SUCO: variants seen among roughly 807,000 people sequenced by gnomAD.
SUCO encodes SUN domain-containing ossification factor.
SUCO carries 57 observed loss-of-function variants against 148.1 expected under a neutral mutation model. The observed-to-expected ratio is 0.38, with a 90% CI of 0.31 to 0.48. SUCO has a LOEUF of 0.48. Ranked by LOEUF, SUCO falls within the 20% of genes least tolerant of loss-of-function variation. The probability of loss-of-function intolerance (pLI) is 0.96; values close to 1 mark genes in which losing one functional copy is unlikely to be tolerated. For synonymous variants in SUCO, 470 were observed against 502.7 expected (o/e 0.93, Z 0.87); for missense variants, 1,331 against 1,468.2 (o/e 0.91, Z 1.53).
intron 1 of SUCO, among the ~76,000 whole-genome samples, chr1:172,547,529 C>A (rs1558173456): frequency 6.6e-6 from 1 of 152,086 alleles, no homozygotes; most frequent in Non-Finnish European, 1.5e-5. Flanking sequence ...CTGAGAATAC[C>A]TAATCTGAAT....
At chr1:172,588,673 T>C in intron 17 of SUCO, 87 bp from the exon 18 acceptor site, 1 of 1,281,472 alleles carries the variant, frequency 7.8e-7, no homozygotes, top group South Asian at 3.2e-5. Context: ...TTTTATCTTC[T>C]GTATGGATAC....
chr1:172,605,470 G>A (rs553857267), intron 22 of SUCO, among the ~76,000 whole-genome samples: 201 of 151,820 alleles, frequency 1.3e-3, no homozygotes, highest in Middle Eastern at 6.8e-3. Context: ...AGTTGACCAC[G>A]TACATGAGGG....
At chr1:172,542,517 G>A (rs1652551646) in intron 1 of SUCO, among the ~76,000 whole-genome samples, 1 of 152,186 alleles carries the variant, frequency 6.6e-6, no homozygotes, top group South Asian at 2.1e-4. Context: ...GCAGGTGAGT[G>A]AGCATTACTG....
intron 2 of SUCO, chr1:172,552,646 T>C (rs1346692718): frequency 5.1e-6 from 5 of 980,386 alleles, no homozygotes; most frequent in Non-Finnish European, 6.1e-6. Context: ...ACTTGCCGCA[T>C]ATCTCAAAAA....
chr1:172,561,819 G>T (rs1197346101), intron 6 of SUCO, among the ~76,000 whole-genome samples: 2 of 152,160 alleles, frequency 1.3e-5, no homozygotes, highest in African/African-American at 4.8e-5. Context: ...TGGACCTGGG[G>T]CAGGCAGCAT....
chr1:172,594,810 G>C (rs368789316), intron 19 of SUCO, among the ~76,000 whole-genome samples: 22 of 152,206 alleles, frequency 1.4e-4, no homozygotes, highest in Non-Finnish European at 2.8e-4. Context: ...GTGCAGAGCT[G>C]AGTTCAAGTC....
intron 6 of SUCO, among the ~76,000 whole-genome samples, chr1:172,559,113 T>A (rs1653953714): frequency 6.6e-6 from 1 of 152,196 alleles, no homozygotes; most frequent in Non-Finnish European, 1.5e-5. Context: ...AGAATTTGCT[T>A]TCTGATGCCT....
At chr1:172,557,872 C>T in intron 6 of SUCO, 78 bp downstream of exon 6, 6 of 1,162,238 alleles carry the variant, frequency 5.2e-6, no homozygotes, top group Non-Finnish European at 7.2e-6. Context: ...TAATAATTTG[C>T]TAACTATATT....
At position 172,569,031 on chromosome 1, in the gene SUCO, A is replaced by C; in HGVS notation, c.745A>C (p.Thr249Pro). The C allele has an allele frequency of 1.3e-6, 2 of 1,581,414 alleles. No homozygotes were observed. The highest frequency in any genetic ancestry group is 1.7e-6 in the Non-Finnish European group (2 of 1,171,046). Residue 249 changes from threonine to proline, a missense_variant, in exon 7 of 24, where the codon ACA becomes CCA. Physicochemically the swap from Thr to Pro is conservative, Grantham distance 38. Transcript: ENST00000263688. ...DNLKNESSDYTKPGDIDPTSV... is the reference protein window; with the variant it reads ...DNLKNESSDYPKPGDIDPTSV... ...GTGTTTCTTTCAGAGCTCTGATTAT[A>C]CAAAACCAGGAGACATTGACCCTAC...
intron 18 of SUCO, chr1:172,590,156 T>C (rs948157835): frequency 3.8e-6 from 1 of 263,420 alleles, no homozygotes; most frequent in African/African-American, 2.3e-5. Flanking sequence ...ACACTTTTAT[T>C]AGGCTGGCAA....
In SUCO at chr1:172,569,081, A is replaced by G. The variant is rs1179533186; in HGVS notation, c.795A>G (p.Pro265=). 1 of 1,596,568 alleles carries G rather than the reference A, an allele frequency of 6.3e-7. No individual in the cohort carries two copies. Among genetic ancestry groups the G allele is most frequent in the Non-Finnish European group, 8.5e-7 (1 of 1,172,800 alleles). ...DPTSVASPKD[P]EDIPTFDEWK... ...CATCAGTAGCAAGTCCCAAAGATCC[A>G]GAAGATATACCAACATTTGATGAAT... Residue 265 remains proline (P), a synonymous_variant, in exon 7 of 24, where the codon CCA becomes CCG. Coordinates refer to ENST00000263688, the MANE Select transcript of SUCO (RefSeq NM_014283.5).
At chr1:172,562,347 T>TTA (rs57960640) in intron 6 of SUCO, among the ~76,000 whole-genome samples, 16 of 150,508 alleles carry the variant, frequency 1.1e-4, no homozygotes, top group African/African-American at 3.2e-4. Flanking sequence ...TTTTTTTTTT[T>TTA]ATTTTGAGAT....
At chr1:172,571,194 G>C (rs1203525150) in intron 9 of SUCO, among the ~76,000 whole-genome samples, 2 of 150,614 alleles carry the variant, frequency 1.3e-5, no homozygotes, top group Non-Finnish European at 3.0e-5. Context: ...GAGTGCCTGC[G>C]ATTGCAGGCG....
chr1:172,599,072 G>C (rs932490092), intron 19 of SUCO, among the ~76,000 whole-genome samples: 24 of 152,134 alleles, frequency 1.6e-4, no homozygotes, highest in African/African-American at 5.1e-4. Context: ...AGATTTCCTT[G>C]ACTTCTTCCT....
At chr1:172,593,416 A>G (rs937442780) in intron 19 of SUCO, among the ~76,000 whole-genome samples, 1 of 152,238 alleles carries the variant, frequency 6.6e-6, no homozygotes, top group African/African-American at 2.4e-5. Context: ...TGGGTTTGTC[A>G]TAAATAGCTC....
intron 9 of SUCO, among the ~76,000 whole-genome samples, chr1:172,571,258 G>C (rs943823918): frequency 4.6e-5 from 7 of 152,214 alleles, no homozygotes; most frequent in African/African-American, 1.7e-4. Flanking sequence ...ACGGGGTTTC[G>C]CTGTGTTGGC....
chr1:172,532,822 C>T (rs962698965), upstream of SUCO: 5 of 1,577,966 alleles, frequency 3.2e-6, no homozygotes, highest in African/African-American at 6.8e-5. Context: ...AGGGGAAATG[C>T]TGAGGATCAC....
intron 8 of SUCO, chr1:172,570,420 AT>A (rs947508035): frequency 4.1e-6 from 2 of 491,384 alleles, no homozygotes; most frequent in African/African-American, 2.0e-5. Context: ...CTAAAATATT[AT>A]TTTTTTCTTT....
At chr1:172,562,146 A>T (rs1053511061) in intron 6 of SUCO, among the ~76,000 whole-genome samples, 1 of 152,176 alleles carries the variant, frequency 6.6e-6, no homozygotes, top group Non-Finnish European at 1.5e-5. Flanking sequence ...AAGACTAAAC[A>T]TTTTAGCCTC....
Sources: gnomAD v4.1 joint callset for allele counts (sites outside exome capture counted in the v4.1 genomes callset) on GRCh38, gnomAD v4.1.1 for gene constraint, MANE v1.5 for transcripts, NCBI Gene and HGNC (gene_info 2026-07-23, HGNC 2026-07-21) for gene names.